Variants in EPHA6 observed in about 807,000 individuals in gnomAD.
EPHA6 encodes the protein EPH receptor A6, also known as ephrin type-A receptor 6.
EPHA6 carries 50 observed loss-of-function variants against 112.0 expected under a neutral mutation model. The observed-to-expected ratio is 0.45, with a 90% CI of 0.36 to 0.56. The LOEUF (loss-of-function observed/expected upper bound fraction) is 0.56. EPHA6 is among the 20% of genes least tolerant of loss of function. The pLI is 0.00. For synonymous variants in EPHA6, 529 were observed against 490.7 expected, an observed-to-expected ratio of 1.08 and a Z score of -1.03; for missense variants, 1,280 against 1,417.4, an observed-to-expected ratio of 0.90 and a Z score of 1.56.
intron 5 of EPHA6, among the ~76,000 whole-genome samples, chr3:97,390,888 C>T (rs997142731): frequency 3.3e-5 from 5 of 151,850 alleles, no homozygotes; most frequent in Non-Finnish European, 7.4e-5. Flanking sequence ...TCAAATCATT[C>T]GGAATATTTT....
chr3:96,944,716 AAGATCAAG>A (rs753293275), intron 2 of EPHA6, among the ~76,000 whole-genome samples: 1 of 152,160 alleles, frequency 6.6e-6, no homozygotes, highest in Non-Finnish European at 1.5e-5. Context: ...GTAAAATGGT[AAGATCAAG>A]AGATCAAGAG....
chr3:96,980,411 A>G (rs2042716518), intron 2 of EPHA6, among the ~76,000 whole-genome samples: 1 of 152,024 alleles, frequency 6.6e-6, no homozygotes, highest in East Asian at 1.9e-4. Flanking sequence ...ATTGGTCTAT[A>G]TCTCTGTTTT....
chr3:97,481,628 GCCCGCCGCTTGGAGACGCCCCGCC>G, intron 9 of EPHA6: 2 of 448,052 alleles, frequency 4.5e-6, no homozygotes, highest in Non-Finnish European at 8.3e-6. Flanking sequence ...CCCTCCCTAG[GCCCGCCGCTTGGAGACGCCCCGCC>G]CCCTGCCTTC....
chr3:97,377,867 C>T (rs981410647), intron 5 of EPHA6, among the ~76,000 whole-genome samples: 1 of 150,860 alleles, frequency 6.6e-6, no homozygotes, highest in African/African-American at 2.4e-5. Flanking sequence ...AAAAGCACTC[C>T]ACTTTAAAAG....
chr3:97,050,341 G>A (rs2045645635), intron 3 of EPHA6, among the ~76,000 whole-genome samples: 2 of 152,294 alleles, frequency 1.3e-5, no homozygotes, highest in African/African-American at 2.4e-5. Flanking sequence ...CATGCCAGAA[G>A]TAATTCATCT....
intron 5 of EPHA6, among the ~76,000 whole-genome samples, chr3:97,265,507 C>A (rs1215941794): frequency 6.6e-6 from 1 of 152,192 alleles, no homozygotes; most frequent in Non-Finnish European, 1.5e-5. Context: ...TGGGCTCAGC[C>A]CCAGCCCTCC....
At chr3:97,321,544 C>T (rs1271085324) in intron 5 of EPHA6, among the ~76,000 whole-genome samples, 1 of 151,878 alleles carries the variant, frequency 6.6e-6, no homozygotes, top group East Asian at 1.9e-4. Context: ...TTCCTATTTT[C>T]CTTTCCCCCT....
chr3:97,427,066 A>G (rs2089178369), intron 6 of EPHA6, among the ~76,000 whole-genome samples: 1 of 152,204 alleles, frequency 6.6e-6, no homozygotes, highest in African/African-American at 2.4e-5. Flanking sequence ...TTGCAGAGAA[A>G]AAGGAACACT....
Position 97,752,736 on chromosome 3 carries a change from T to C in EPHA6, c.*4035T>C, listed in dbSNP as rs993143988. On this transcript the variant is annotated 3_prime_UTR_variant, in exon 18 of 18. Transcript: ENST00000389672. ...AAGTTTTTGGAAAGTAATTTTGAAA[T>C]GGATGATGATGATCCTTTTTAATTG... 1.1e-4 allele frequency among the ~76,000 whole-genome samples: 16 copies of C among 152,136 alleles called. No individual in the cohort carries two copies. Among genetic ancestry groups the C allele is most frequent in the Admixed American group, 3.3e-4 (5 of 15,266 alleles).
chr3:97,715,249 G>C (rs1385073372), intron 14 of EPHA6, among the ~76,000 whole-genome samples: 1 of 152,158 alleles, frequency 6.6e-6, no homozygotes, highest in Non-Finnish European at 1.5e-5. Context: ...ACTCATTATA[G>C]TTTACTATTT....
At chr3:97,456,146 A>G (rs1193620181) in intron 7 of EPHA6, among the ~76,000 whole-genome samples, 1 of 152,140 alleles carries the variant, frequency 6.6e-6, no homozygotes, top group African/African-American at 2.4e-5. Context: ...TTTTAAGGCA[A>G]TAACATATAG....
intron 2 of EPHA6, among the ~76,000 whole-genome samples, chr3:96,964,701 A>T (rs1016701787): frequency 3.3e-5 from 5 of 152,170 alleles, no homozygotes; most frequent in Non-Finnish European, 5.9e-5. Flanking sequence ...ACATGCTCTG[A>T]TGAATGTACT....
At chr3:97,036,603 G>A (rs1418402158) in intron 3 of EPHA6, among the ~76,000 whole-genome samples, 1 of 151,906 alleles carries the variant, frequency 6.6e-6, no homozygotes, top group Non-Finnish European at 1.5e-5. Flanking sequence ...ACACAAAGAA[G>A]GATTCAGTTC....
At chr3:97,145,401 T>G (rs1276606460) in intron 3 of EPHA6, among the ~76,000 whole-genome samples, 1 of 151,476 alleles carries the variant, frequency 6.6e-6, no homozygotes, top group African/African-American at 2.4e-5. Flanking sequence ...TCAGGAATAT[T>G]TTTAATATCC....
intron 2 of EPHA6, among the ~76,000 whole-genome samples, chr3:96,897,809 T>A (rs1052800084): frequency 1.3e-5 from 2 of 152,208 alleles, no homozygotes; most frequent in Non-Finnish European, 2.9e-5. Flanking sequence ...ACAATGTGAA[T>A]GATGTAACAG....
chr3:97,084,504 GCAA>G (rs1553700864), intron 3 of EPHA6, among the ~76,000 whole-genome samples: 15 of 151,882 alleles, frequency 9.9e-5, no homozygotes, highest in Non-Finnish European at 1.5e-5. Flanking sequence ...TGGGCGAAAC[GCAA>G]CAACAGGCAA....
chr3:97,508,713 G>A (rs2107582122), intron 10 of EPHA6, among the ~76,000 whole-genome samples: 1 of 152,200 alleles, frequency 6.6e-6, no homozygotes, highest in South Asian at 2.1e-4. Flanking sequence ...GAATATCCTT[G>A]TTAATTTTCT....
intron 8 of EPHA6, among the ~76,000 whole-genome samples, 149 bp from the exon 9 acceptor site, chr3:97,479,142 CCTA>C (rs938261205): frequency 1.3e-5 from 2 of 152,020 alleles, no homozygotes; most frequent in African/African-American, 4.8e-5. Flanking sequence ...ACATAAAAAA[CCTA>C]CTATAGAATA....
chr3:97,319,761 CT>C (rs1559878906), intron 5 of EPHA6, among the ~76,000 whole-genome samples: 1 of 150,342 alleles, frequency 6.7e-6, no homozygotes, highest in Non-Finnish European at 1.5e-5. Context: ...TCCATTTTTT[CT>C]TAATATTACT....
Sources: gnomAD v4.1 joint callset for allele counts (sites outside exome capture counted in the v4.1 genomes callset) on GRCh38, gnomAD v4.1.1 for gene constraint, MANE v1.5 for transcripts, NCBI Gene and HGNC (gene_info 2026-07-23, HGNC 2026-07-21) for gene names.